The following ANAPC7 variants were observed in gnomAD, a reference collection of about 807,000 sequenced individuals.
ANAPC7 encodes anaphase promoting complex subunit 7.
ANAPC7 carries 25 observed loss-of-function variants against 63.3 expected under a neutral mutation model. That is an observed-to-expected ratio of 0.39 (90% CI 0.29 to 0.55). The LOEUF (loss-of-function observed/expected upper bound fraction) is 0.55. Among genes scored for constraint, ANAPC7 ranks in the 20% least tolerant of loss-of-function variants. The pLI is 0.57. For missense variants in ANAPC7, 516 were observed against 691.7 expected, an observed-to-expected ratio of 0.75 and a Z score of 2.85; for synonymous variants, 241 against 251.7, an observed-to-expected ratio of 0.96 and a Z score of 0.40.
rs1882014700 is a variant in ANAPC7 at position 110,382,468 on chromosome 12, ATATATATATATATATATATATATATATT to A, written c.935+347_935+374del. Among the ~76,000 whole-genome samples the A allele has an allele frequency of 7.7e-5, 9 of 116,556 alleles. 1 individual carries two copies. Among genetic ancestry groups the A allele is most frequent in the African/African-American group, 2.9e-4 (8 of 27,198 alleles). 76.5% of individuals were successfully genotyped at this position (116,556 alleles called of 152,430 possible). On this transcript the variant is annotated intron_variant, in intron 7 of 10. Coordinates refer to ENST00000455511, the MANE Select transcript of ANAPC7 (RefSeq NM_016238.3). ...AAAAAAAAAAAAAAAAAAAATATAT[ATATATATATATATATATATATATATATT>A]TATAGAGACAGGGTCTTGCTACATT...
In ANAPC7 at chr12:110,374,269, T is replaced by C; in HGVS notation, c.1573A>G (p.Thr525Ala). ...MQKMEKEESP[T>A]DATQEEDVDD... ...ACATCCTCCTCCTGAGTGGCATCCG[T>C]GGGACTCTCCTCCTTCTCCATCTTC... The change falls in exon 11 of 11, where the codon ACG becomes GCG. Residue 525 changes from threonine (T) to alanine (A), a missense_variant. Thr to Ala is a moderately conservative substitution (Grantham distance 58). This residue lies in a region of ANAPC7 where 122 missense variants were observed against 212.0 expected (regional missense o/e 0.58). Coordinates refer to ENST00000455511, the MANE Select transcript of ANAPC7 (RefSeq NM_016238.3). 1 of 1,614,154 alleles carries C rather than the reference T, an allele frequency of 6.2e-7. No homozygotes were observed. Among genetic ancestry groups the C allele is most frequent in the Non-Finnish European group, 8.5e-7 (1 of 1,180,026 alleles).
At chr12:110,382,461 A>AATATATATATATATAT (rs66967302) in intron 7 of ANAPC7, among the ~76,000 whole-genome samples, 12 of 30,840 alleles carry the variant, frequency 3.9e-4, no homozygotes, top group Non-Finnish European at 6.7e-4. Context: ...AAAAAAAAAA[A>AATATATATATATATAT]ATATATATAT....
At chr12:110,387,214 GGAGAGAGAGAGA>G (rs143586209) in intron 5 of ANAPC7, 1 of 57,788 alleles carries the variant, frequency 1.7e-5, no homozygotes, top group Non-Finnish European at 3.7e-5. Context: ...CTCTAGCCTG[GGAGAGAGAGAGA>G]GAGAGAGAGA....
chr12:110,395,354 GC>G, intron 2 of ANAPC7, 134 bp from the exon 3 acceptor site: 1 of 838,740 alleles, frequency 1.2e-6, no homozygotes, highest in Non-Finnish European at 1.8e-6. Flanking sequence ...TCGCTCTGTT[GC>G]CCAGGCTGCA....
chr12:110,392,974 T>C (rs1883230971), intron 3 of ANAPC7, among the ~76,000 whole-genome samples: 1 of 152,158 alleles, frequency 6.6e-6, no homozygotes, highest in African/African-American at 2.4e-5. Flanking sequence ...TTTATATTTT[T>C]AGTAGAGACG....
chr12:110,382,072 C>T, intron 7 of ANAPC7, 124 bp from the exon 8 acceptor site: 1 of 955,760 alleles, frequency 1.0e-6, no homozygotes, highest in Admixed American at 3.4e-5. Context: ...CCAAACCACA[C>T]TTATAGTTTT....
intron 1 of ANAPC7, among the ~76,000 whole-genome samples, chr12:110,400,225 C>T (rs77622018): frequency 0.021 from 3,168 of 152,270 alleles, 129 homozygotes; most frequent in African/African-American, 0.072. Flanking sequence ...ATTACATCCA[C>T]AGAAAGCATT....
chr12:110,399,823 C>T (rs990478224), intron 1 of ANAPC7, among the ~76,000 whole-genome samples: 2 of 148,788 alleles, frequency 1.3e-5, no homozygotes, highest in East Asian at 2.0e-4. Context: ...GGGCCAGGCG[C>T]GGTGGCTCAC....
intron 8 of ANAPC7, among the ~76,000 whole-genome samples, chr12:110,379,846 G>A (rs532589691): frequency 9.2e-5 from 14 of 152,228 alleles, no homozygotes; most frequent in African/African-American, 2.9e-4. Flanking sequence ...GTCACCAAAC[G>A]TTGCTGAAAC....
At chr12:110,386,203 A>C in intron 6 of ANAPC7, 124 bp downstream of exon 6, 2 of 1,372,872 alleles carry the variant, frequency 1.5e-6, no homozygotes, top group South Asian at 1.3e-5. Context: ...GTAAAAGACT[A>C]GTATAAGTTT....
intron 5 of ANAPC7, chr12:110,387,295 G>GAGAC (rs1882613735): frequency 2.3e-5 from 3 of 132,570 alleles, no homozygotes; most frequent in African/African-American, 8.7e-5. Context: ...GACAGAGAGA[G>GAGAC]AGAGAGAGAG....
In ANAPC7 at chr12:110,374,129, G is replaced by A. The variant is rs780291180; in HGVS notation, c.*15C>T. ...GAGCAGGGCAGGCCACTGCGGCCATGGAGCTGCCGCCCCCTCACTGCATGC... is the reference window on the plus strand; with the variant it reads ...GAGCAGGGCAGGCCACTGCGGCCATAGAGCTGCCGCCCCCTCACTGCATGC... On this transcript the variant is annotated 3_prime_UTR_variant, in exon 11 of 11. Transcript: ENST00000455511. The A allele has an allele frequency of 1.3e-6, 2 of 1,599,824 alleles. No homozygotes were observed. Among genetic ancestry groups the A allele is most frequent in the Admixed American group, 1.7e-5 (1 of 59,522 alleles).
intron 8 of ANAPC7, among the ~76,000 whole-genome samples, chr12:110,380,511 T>C (rs1303756853): frequency 6.7e-6 from 1 of 149,106 alleles, no homozygotes; most frequent in Non-Finnish European, 1.5e-5. Context: ...ATTAGCTGGG[T>C]GTGGTGGTGG....
chr12:110,395,472 T>G (rs529794345), intron 2 of ANAPC7, among the ~76,000 whole-genome samples: 5 of 152,140 alleles, frequency 3.3e-5, no homozygotes, highest in African/African-American at 7.2e-5. Context: ...CATGCCGTTT[T>G]GTAAAGACAG....
intron 3 of ANAPC7, among the ~76,000 whole-genome samples, chr12:110,392,590 A>T (rs2137971347): frequency 1.3e-5 from 2 of 152,360 alleles, no homozygotes; most frequent in Middle Eastern, 6.8e-3. Context: ...GAGACATGAC[A>T]GTATTATTAG....
chr12:110,383,053 T>C (rs967109153), intron 6 of ANAPC7, 93 bp from the exon 7 acceptor site: 2 of 881,078 alleles, frequency 2.3e-6, no homozygotes, highest in South Asian at 1.7e-5. Flanking sequence ...GACCCCATGC[T>C]GAGGCCCCAG....
In ANAPC7 at chr12:110,376,413, C is replaced by T. The variant is rs191193656; in HGVS notation, c.1358-197G>A. Among the ~76,000 whole-genome samples the T allele has an allele frequency of 1.0e-3, 153 of 151,202 alleles. 2 individuals carry two copies. Among genetic ancestry groups the T allele is most frequent in the Non-Finnish European group, 1.6e-3 (109 of 67,760 alleles). On this transcript the variant is annotated intron_variant, in intron 9 of 10. Transcript: ENST00000455511. ...TGAAACCCCGTCTCTACTAAAAATACAAAAAATTAGCCGGGCTTGGTGGCA... is the reference window on the plus strand; with the variant it reads ...TGAAACCCCGTCTCTACTAAAAATATAAAAAATTAGCCGGGCTTGGTGGCA...
chr12:110,398,316 T>C (rs2062173463), intron 1 of ANAPC7, among the ~76,000 whole-genome samples: 1 of 151,830 alleles, frequency 6.6e-6, no homozygotes, highest in South Asian at 2.1e-4. Flanking sequence ...CTTAGGAGGC[T>C]AAGACAGGAC....
chr12:110,377,896 C>T, intron 8 of ANAPC7: 1 of 1,110,546 alleles, frequency 9.0e-7, no homozygotes, highest in East Asian at 3.4e-5. Context: ...AGCATGTGAG[C>T]ACCCCATCTG....
Sources: allele counts gnomAD v4.1 joint callset (sites outside exome capture counted in the v4.1 genomes callset), GRCh38; gene constraint gnomAD v4.1.1; regional missense constraint gnomAD v4.1.1; transcripts MANE v1.5; gene names NCBI Gene and HGNC (gene_info 2026-07-23, HGNC 2026-07-21).